CYTH3: variants seen among roughly 807,000 people sequenced by gnomAD.
CYTH3 encodes cytohesin 3, also known as cytohesin-3.
In CYTH3, 23 loss-of-function variants were observed where a neutral mutation model predicts 55.1. The ratio of observed to expected loss-of-function variants is 0.42; its 90% CI spans 0.30 to 0.59. The LOEUF is 0.59. Ranked by LOEUF, CYTH3 falls within the 20% of genes least tolerant of loss-of-function variation. The pLI, the probability that CYTH3 is intolerant of heterozygous loss-of-function variation, is 0.20. For synonymous variants in CYTH3, 249 were observed against 194.9 expected (o/e 1.28, Z -2.31); for missense variants, 413 against 524.8 (o/e 0.79, Z 2.08).
chr7:6,227,563 CAG>C (rs993812768), intron 1 of CYTH3, among the ~76,000 whole-genome samples: 10 of 152,186 alleles, frequency 6.6e-5, no homozygotes, highest in Non-Finnish European at 1.3e-4. Context: ...CCACTACAGA[CAG>C]AATCAAAACG....
intron 1 of CYTH3, among the ~76,000 whole-genome samples, chr7:6,248,780 A>G (rs1316219836): frequency 6.6e-6 from 1 of 152,238 alleles, no homozygotes; most frequent in African/African-American, 2.4e-5. Context: ...AAACAGAGTG[A>G]TGAGTCAGGC....
chr7:6,272,476 C>G lies in CYTH3; in HGVS notation c.32G>C (p.Gly11Ala), dbSNP rs1185635429. MDEDGGGEGG[G>A]VPEDLSLEER... ...CCCACCACACCTCCGACACTCACCG[C>G]CACCACCCTCGCCGCCGCCGTCTTC... Residue 11 changes from glycine to alanine, a missense_variant and splice_region_variant, in exon 1 of 13, where the codon GGC (glycine) becomes GCC (alanine). Gly to Ala is a moderately conservative substitution (Grantham distance 60). Around this residue, in one of 4 missense-constraint regions of CYTH3, gnomAD observed 152 missense variants for 148.1 expected, o/e 1.03. Coordinates refer to ENST00000350796, the MANE Select transcript of CYTH3 (RefSeq NM_004227.4). The G allele has an allele frequency of 7.3e-7, 1 of 1,371,772 alleles. No homozygotes were observed. The highest frequency in any genetic ancestry group is 9.5e-7 in the Non-Finnish European group (1 of 1,053,248). The allele number at this position is 1,371,772 out of a possible 1,614,324, so 85.0% of individuals were successfully genotyped here.
intron 1 of CYTH3, among the ~76,000 whole-genome samples, chr7:6,225,804 T>G (rs922159785): frequency 6.6e-6 from 1 of 151,970 alleles, no homozygotes; most frequent in East Asian, 1.9e-4. Context: ...CTCAGGCTCC[T>G]GAGTAGCTGA....
At chr7:6,192,424 T>G (rs2128544582) in intron 1 of CYTH3, among the ~76,000 whole-genome samples, 1 of 152,042 alleles carries the variant, frequency 6.6e-6, no homozygotes, top group African/African-American at 2.4e-5. Flanking sequence ...TCTTGCTATG[T>G]TGCCCAGGCT....
chr7:6,230,634 C>T (rs911987356), intron 1 of CYTH3, among the ~76,000 whole-genome samples: 8 of 152,128 alleles, frequency 5.3e-5, no homozygotes, highest in African/African-American at 1.7e-4. Context: ...TTTCATGCCA[C>T]GGATCCAATG....
chr7:6,178,700 T>A (rs187325123), intron 4 of CYTH3, among the ~76,000 whole-genome samples: 2 of 152,200 alleles, frequency 1.3e-5, no homozygotes, highest in Non-Finnish European at 2.9e-5. Flanking sequence ...ATACATTTTG[T>A]TGGATTTTCT....
At chr7:6,236,457 A>T (rs1469357995) in intron 1 of CYTH3, among the ~76,000 whole-genome samples, 3 of 151,088 alleles carry the variant, frequency 2.0e-5, no homozygotes, top group African/African-American at 7.3e-5. Flanking sequence ...GAATCCTCCC[A>T]ACTTGGCCTC....
At chr7:6,190,025 G>C (rs1783757779) in intron 2 of CYTH3, among the ~76,000 whole-genome samples, 1 of 152,140 alleles carries the variant, frequency 6.6e-6, no homozygotes, top group Non-Finnish European at 1.5e-5. Context: ...AACAGAGCGA[G>C]ACTCTGTCTC....
intron 1 of CYTH3, among the ~76,000 whole-genome samples, chr7:6,213,915 C>T (rs1407225492): frequency 2.6e-5 from 4 of 152,080 alleles, no homozygotes; most frequent in African/African-American, 7.2e-5. Context: ...AGCCACATAA[C>T]GCATCAGAGC....
intron 1 of CYTH3, among the ~76,000 whole-genome samples, chr7:6,232,376 C>T (rs1328564342): frequency 6.6e-6 from 1 of 152,158 alleles, no homozygotes; most frequent in South Asian, 2.1e-4. Context: ...ACTCCCACTT[C>T]CTATTCTCCA....
In CYTH3 at chr7:6,272,617, C is replaced by G. The variant is rs1182019408; in HGVS notation, c.-110G>C. ...GGCGACCGGGCGGCTCCTCAGCGCG[C>G]GGCCCGGGTCGCGGCCGGGCCTCCT... On this transcript the variant is annotated 5_prime_UTR_variant, in exon 1 of 13. Transcript: ENST00000350796. 4.1e-5 allele frequency: 33 copies of G among 806,258 alleles called. No individual in the cohort carries two copies. The highest frequency in any genetic ancestry group is 4.6e-5 in the Non-Finnish European group (30 of 655,144). 49.9% of individuals were successfully genotyped at this position (806,258 alleles called of 1,614,324 possible). A position where few individuals can be genotyped will look rare whatever the true frequency, so the allele number is the denominator to read the frequency against.
chr7:6,173,823 G>A (rs970052335), intron 5 of CYTH3, 90 bp from the exon 6 acceptor site: 11 of 792,672 alleles, frequency 1.4e-5, no homozygotes, highest in South Asian at 7.2e-5. Flanking sequence ...GGCTATGAAC[G>A]TTCATGCACA....
At chr7:6,213,619 C>T (rs1784367906) in intron 1 of CYTH3, among the ~76,000 whole-genome samples, 1 of 152,088 alleles carries the variant, frequency 6.6e-6, no homozygotes, top group South Asian at 2.1e-4. Flanking sequence ...GCCTTCAACC[C>T]CCAGGGGCCT....
At chr7:6,238,396 G>A (rs949119178) in intron 1 of CYTH3, among the ~76,000 whole-genome samples, 1 of 152,146 alleles carries the variant, frequency 6.6e-6, no homozygotes, top group Non-Finnish European at 1.5e-5. Context: ...AGTATTGAAA[G>A]ATTAAAGAAA....
In CYTH3 at chr7:6,167,401, A is replaced by G. The variant is rs181514230; in HGVS notation, c.824-1591T>C. Among the ~76,000 whole-genome samples the G allele has an allele frequency of 2.6e-5, 4 of 152,176 alleles. No individual in the cohort carries two copies. The highest frequency in any genetic ancestry group is 9.6e-5 in the African/African-American group (4 of 41,518). On this transcript the variant is annotated intron_variant, in intron 9 of 12. Transcript: ENST00000350796. The surrounding 1 kb of genome is among the most constrained non-coding windows in gnomAD (Gnocchi z 5.5). The stretch of plus-strand genomic sequence containing the variant: ...CCTTCCAGGCACTTGCTCCAGCTTG[A>G]ACTGCTGTGGCAGAATCAGCTGACA...
chr7:6,195,890 C>T (rs572261876), intron 1 of CYTH3, among the ~76,000 whole-genome samples: 4 of 152,224 alleles, frequency 2.6e-5, no homozygotes, highest in Admixed American at 2.6e-4. Flanking sequence ...GAATATACAC[C>T]TCCAAGGTGC....
chr7:6,212,448 C>A (rs1784339940), intron 1 of CYTH3, among the ~76,000 whole-genome samples: 1 of 152,176 alleles, frequency 6.6e-6, no homozygotes, highest in African/African-American at 2.4e-5. Context: ...CATCCCCAGG[C>A]ACCCACCATT....
At chr7:6,238,350 C>T (rs1779580789) in intron 1 of CYTH3, among the ~76,000 whole-genome samples, 1 of 152,112 alleles carries the variant, frequency 6.6e-6, no homozygotes, top group Non-Finnish European at 1.5e-5. Context: ...AAATGATTTA[C>T]TCCTCCTCTA....
Position 6,172,565 on chromosome 7 carries a change from T to C in CYTH3, c.449+1088A>G, listed in dbSNP as rs1783229779. Among the ~76,000 whole-genome samples the C allele has an allele frequency of 2.6e-5, 4 of 152,186 alleles. No individual in the cohort carries two copies. The South Asian group carries it at 8.3e-4, about 31-fold the overall frequency. On this transcript the variant is annotated intron_variant, in intron 6 of 12. Coordinates refer to ENST00000350796, the MANE Select transcript of CYTH3 (RefSeq NM_004227.4). ...CCTCAGGCCACAGGACCTGCCTGTATTCCCGCCCATCCTGTGCCTCCATCA... is the reference window on the plus strand; with the variant it reads ...CCTCAGGCCACAGGACCTGCCTGTACTCCCGCCCATCCTGTGCCTCCATCA...
Sources: allele counts gnomAD v4.1 joint callset (sites outside exome capture counted in the v4.1 genomes callset), GRCh38; gene constraint gnomAD v4.1.1; regional missense constraint gnomAD v4.1.1; non-coding constraint Gnocchi (gnomAD v3.1); transcripts MANE v1.5; gene names NCBI Gene and HGNC (gene_info 2026-07-23, HGNC 2026-07-21).